The following FRAS1 variants were observed in gnomAD, a reference collection of about 807,000 sequenced individuals.
The protein encoded by FRAS1 is Fraser extracellular matrix complex subunit 1.
Under a neutral mutation model 435.2 loss-of-function variants are expected in FRAS1, and 290 were observed. The ratio of observed to expected loss-of-function variants is 0.67; its 90% CI spans 0.61 to 0.73. The LOEUF (loss-of-function observed/expected upper bound fraction) is 0.73. Ranked by LOEUF, FRAS1 falls within the 30% of genes least tolerant of loss-of-function variation. FRAS1 has a pLI of 0.00. For synonymous variants in FRAS1, 1,800 were observed against 1,851.0 expected (o/e 0.97, Z 0.71); for missense variants, 4,860 against 5,001.5 (o/e 0.97, Z 0.85).
Position 78,284,424 on chromosome 4 carries a change from T to C in FRAS1, c.1275T>C (p.Cys425=), listed in dbSNP as rs1424584463. Residue 425 remains cysteine, a synonymous_variant, in exon 13 of 74, where the codon TGT becomes TGC. Coordinates refer to ENST00000512123, the MANE Select transcript of FRAS1 (RefSeq NM_025074.7). ...DCTSVHCHPD[C]LTCSQSPDHC... ...TTTCAGTTCATTGCCATCCAGATTG[T>C]TTGACATGCTCTCAGTCTCCAGACC... 4 of 1,613,734 alleles carry C rather than the reference T, an allele frequency of 2.5e-6. No individual in the cohort carries two copies. In the African/African-American group the frequency reaches 4.0e-5, roughly 16 times the overall value.
At chr4:78,407,288 T>G (rs1733137444) in intron 30 of FRAS1, among the ~76,000 whole-genome samples, 1 of 152,116 alleles carries the variant, frequency 6.6e-6, no homozygotes, top group Admixed American at 6.6e-5. Context: ...GAAAACATTT[T>G]CTGTTACATA....
At chr4:78,446,230 A>T (rs1718824477) in intron 42 of FRAS1, 1 of 996,254 alleles carries the variant, frequency 1.0e-6, no homozygotes, top group Non-Finnish European at 1.2e-6. Flanking sequence ...CCTTGGGAAA[A>T]TAAAATGTAA....
At position 78,286,549 on chromosome 4, in the gene FRAS1, G is replaced by C. The variant is rs113126056; in HGVS notation, c.1534+10G>C. 1 of 1,610,114 alleles carries C rather than the reference G, an allele frequency of 6.2e-7. No homozygotes were observed. Among genetic ancestry groups the C allele is most frequent in the Non-Finnish European group, 8.5e-7 (1 of 1,178,742 alleles). On this transcript the variant is annotated intron_variant, in intron 14 of 73. Coordinates refer to ENST00000512123, the MANE Select transcript of FRAS1 (RefSeq NM_025074.7). ...CGCCATTCCTGTGCAGGTAATCTCTGGCTGGGCCACAGTTGGGCCAGCTAC... is the reference window on the plus strand; with the variant it reads ...CGCCATTCCTGTGCAGGTAATCTCTCGCTGGGCCACAGTTGGGCCAGCTAC...
intron 30 of FRAS1, among the ~76,000 whole-genome samples, chr4:78,406,492 C>T (rs1411718767): frequency 1.3e-5 from 2 of 152,080 alleles, no homozygotes; most frequent in African/African-American, 4.8e-5. Context: ...AAGCGGAAAC[C>T]CCTGATAAAC....
intron 18 of FRAS1, among the ~76,000 whole-genome samples, chr4:78,326,021 G>T (rs753523287): frequency 3.9e-5 from 6 of 152,188 alleles, no homozygotes; most frequent in African/African-American, 1.4e-4. Context: ...GAGATGCAGG[G>T]TGTGTGTGGG....
rs148073683 is a variant in FRAS1, at chr4:78,201,641, C to T, written c.109-35869C>T. 2.0e-4 allele frequency among the ~76,000 whole-genome samples: 30 copies of T among 152,290 alleles called. No homozygotes were observed. The East Asian group carries it at 5.6e-3, about 28-fold the overall frequency. Reference sequence around the variant, plus strand: ...ATGAATTCTGACGTTCTGACTCAACCAATTGCTTCTGAAATTTGTAATATT... The same window carrying T: ...ATGAATTCTGACGTTCTGACTCAACTAATTGCTTCTGAAATTTGTAATATT... On this transcript the variant is annotated intron_variant, in intron 2 of 73. Coordinates refer to ENST00000512123, the MANE Select transcript of FRAS1 (RefSeq NM_025074.7).
intron 14 of FRAS1, among the ~76,000 whole-genome samples, chr4:78,299,224 G>A (rs567987838): frequency 6.6e-6 from 1 of 152,272 alleles, no homozygotes; most frequent in South Asian, 2.1e-4. Context: ...GTTAAGGAGA[G>A]CTCAGTTTGT....
chr4:78,373,774 A>AAATAATAATAATAATAAT (rs58619851), intron 24 of FRAS1, among the ~76,000 whole-genome samples: 6 of 151,348 alleles, frequency 4.0e-5, no homozygotes, highest in African/African-American at 1.5e-4. Flanking sequence ...ACTCCGTCTT[A>AAATAATAATAATAATAAT]AATAATAATA....
chr4:78,062,905 C>T (rs1033773228), intron 1 of FRAS1, among the ~76,000 whole-genome samples: 1 of 152,136 alleles, frequency 6.6e-6, no homozygotes, highest in Non-Finnish European at 1.5e-5. Context: ...CCTGGCATCT[C>T]AGCTGCATTC....
At chr4:78,295,509 T>C (rs967021957) in intron 14 of FRAS1, among the ~76,000 whole-genome samples, 2 of 152,208 alleles carry the variant, frequency 1.3e-5, no homozygotes, top group African/African-American at 4.8e-5. Context: ...ATGAAGCATG[T>C]GGAGTTAATC....
At chr4:78,060,552 C>T (rs1660871573) in intron 1 of FRAS1, among the ~76,000 whole-genome samples, 1 of 152,208 alleles carries the variant, frequency 6.6e-6, no homozygotes, top group Non-Finnish European at 1.5e-5. Flanking sequence ...CTGATATCTT[C>T]AGTTCAGCTC....
In FRAS1 at chr4:78,540,999, A is replaced by G. The variant is rs750017562; in HGVS notation, c.11914A>G (p.Thr3972Ala). 6 of 1,574,786 alleles carry G rather than the reference A, an allele frequency of 3.8e-6. No individual in the cohort carries two copies. The highest frequency in any genetic ancestry group is 4.3e-6 in the Non-Finnish European group (5 of 1,157,252). The change falls in exon 74 of 74, where the codon ACT becomes GCT. Residue 3972 changes from threonine to alanine, a missense_variant. Coordinates refer to ENST00000512123, the MANE Select transcript of FRAS1 (RefSeq NM_025074.7). ...GAAGAACGTGAATAGACACTACTGC[A>G]CTGTGCGGAACGTCAACATCCTGAG... ...VEKNVNRHYC[T>A]VRNVNILSEP...
chr4:78,217,206 C>T (rs1316843282), intron 2 of FRAS1, among the ~76,000 whole-genome samples: 1 of 152,076 alleles, frequency 6.6e-6, no homozygotes, highest in Non-Finnish European at 1.5e-5. Flanking sequence ...CTATTCAGGC[C>T]CTCCAAGGAT....
At chr4:78,182,901 A>G (rs1165962588) in intron 2 of FRAS1, among the ~76,000 whole-genome samples, 296 of 151,352 alleles carry the variant, frequency 2.0e-3, no homozygotes, top group Non-Finnish European at 3.7e-3. Flanking sequence ...AAAAAGAAAA[A>G]AAAAAATGCC....
chr4:78,070,547 C>A (rs1474928098), intron 2 of FRAS1: 1 of 152,094 alleles, frequency 6.6e-6, no homozygotes, highest in Non-Finnish European at 1.5e-5. Flanking sequence ...TCCATAATAC[C>A]CATGCACCCC....
intron 19 of FRAS1, among the ~76,000 whole-genome samples, chr4:78,335,848 T>C (rs1730148834): frequency 6.6e-6 from 1 of 151,904 alleles, no homozygotes. Flanking sequence ...AGAATTTTGT[T>C]GGAATTGACA....
At chr4:78,390,333 T>A (rs1371885372) in intron 29 of FRAS1, among the ~76,000 whole-genome samples, 3 of 152,164 alleles carry the variant, frequency 2.0e-5, no homozygotes, top group Non-Finnish European at 4.4e-5. Context: ...TCATGATCAC[T>A]CTGTGATGTT....
intron 20 of FRAS1, among the ~76,000 whole-genome samples, chr4:78,358,985 A>C (rs1328611866): frequency 6.6e-6 from 1 of 152,224 alleles, no homozygotes; most frequent in Non-Finnish European, 1.5e-5. Flanking sequence ...TAGAAAAAGC[A>C]CTAAAAGAAA....
chr4:78,101,412 G>C (rs1250156216), intron 2 of FRAS1, among the ~76,000 whole-genome samples: 1 of 152,150 alleles, frequency 6.6e-6, no homozygotes, highest in Non-Finnish European at 1.5e-5. Context: ...AGTTGTAGCA[G>C]TCAAAAATGC....
Sources: allele counts gnomAD v4.1 joint callset (sites outside exome capture counted in the v4.1 genomes callset), GRCh38; gene constraint gnomAD v4.1.1; transcripts MANE v1.5; gene names NCBI Gene and HGNC (gene_info 2026-07-23, HGNC 2026-07-21).